EIF3L: variants seen among roughly 807,000 people sequenced by gnomAD.
EIF3L encodes eukaryotic translation initiation factor 3 subunit L.
In EIF3L, 32 loss-of-function variants were observed where a neutral mutation model predicts 74.6. The observed-to-expected ratio is 0.43, with a 90% CI of 0.32 to 0.58. EIF3L has a LOEUF of 0.58. Ranked by LOEUF, EIF3L falls within the 20% of genes least tolerant of loss-of-function variation. The probability of loss-of-function intolerance (pLI) is 0.06; values close to 1 mark genes in which losing one functional copy is unlikely to be tolerated. For missense variants in EIF3L, 474 were observed against 707.8 expected (o/e 0.67, Z 3.75); for synonymous variants, 256 against 254.4 (o/e 1.01, Z -0.06).
intron 8 of EIF3L, 137 bp from the exon 9 acceptor site, chr22:37,874,233 T>C: frequency 1.2e-6 from 1 of 849,412 alleles, no homozygotes; most frequent in Non-Finnish European, 1.8e-6. Context: ...GGTATTCCTT[T>C]GAAGTTATTC....
intron 4 of EIF3L, among the ~76,000 whole-genome samples, chr22:37,857,915 A>G (rs2145804650): frequency 6.6e-6 from 1 of 152,214 alleles, no homozygotes; most frequent in South Asian, 2.1e-4. Context: ...CACGGCTGTA[A>G]TTCTGGTACT....
rs1433239160 is a variant in EIF3L at position 37,857,986 on chromosome 22, A to T, written c.374-693A>T. Among the ~76,000 whole-genome samples, 3 of 152,010 alleles carry T rather than the reference A, an allele frequency of 2.0e-5. No individual in the cohort carries two copies. In the East Asian group the frequency reaches 5.8e-4, roughly 29 times the overall value. On this transcript the variant is annotated intron_variant, in intron 4 of 12. Coordinates refer to ENST00000652021, the MANE Select transcript of EIF3L (RefSeq NM_016091.4). ...GGAGATTTAGACTAGCCTGAGCAAC[A>T]TAGGGAGACCCCCTTCTCTACAAAA...
chr22:37,849,675 A>G (rs1925057344), intron 1 of EIF3L, 193 bp downstream of exon 1: 3 of 645,648 alleles, frequency 4.6e-6, no homozygotes, highest in Non-Finnish European at 8.0e-6. Context: ...CGCGTGTTCG[A>G]TTGGCTTGTC....
chr22:37,888,697 C>T lies in EIF3L; in HGVS notation c.*233C>T, dbSNP rs1266703497. 1 of 558,114 alleles carries T rather than the reference C, an allele frequency of 1.8e-6. No homozygotes were observed. Among genetic ancestry groups the T allele is most frequent in the Non-Finnish European group, 3.2e-6 (1 of 313,552 alleles). The allele number at this position is 558,114 out of a possible 1,614,324, so 34.6% of individuals were successfully genotyped here. ...GGCAGTAATACATTTCCCATGTGTC[C>T]TGATGCTTTCAGGATACATCAGTTG... On this transcript the variant is annotated 3_prime_UTR_variant, in exon 13 of 13. Coordinates refer to ENST00000652021, the MANE Select transcript of EIF3L (RefSeq NM_016091.4).
intron 5 of EIF3L, among the ~76,000 whole-genome samples, chr22:37,862,250 T>A (rs1422593616): frequency 6.6e-6 from 1 of 151,268 alleles, no homozygotes; most frequent in Non-Finnish European, 1.5e-5. Flanking sequence ...TCCAAAGTTG[T>A]GTTTCTTCTC....
chr22:37,887,774 C>T (rs1927398855), intron 12 of EIF3L: 2 of 152,314 alleles, frequency 1.3e-5, no homozygotes, highest in African/African-American at 4.8e-5. Flanking sequence ...CTTGCCCATC[C>T]CTCCCCGTTT....
At chr22:37,853,014 A>G (rs1925309492) in intron 3 of EIF3L, among the ~76,000 whole-genome samples, 1 of 152,196 alleles carries the variant, frequency 6.6e-6, no homozygotes, top group African/African-American at 2.4e-5. Context: ...ACACCAAAAC[A>G]TGCTACCAAT....
intron 7 of EIF3L, among the ~76,000 whole-genome samples, chr22:37,864,451 C>T (rs1355037827): frequency 2.0e-5 from 3 of 151,862 alleles, no homozygotes; most frequent in African/African-American, 4.8e-5. Flanking sequence ...TGTTCAAGGT[C>T]GAATGAGAAC....
Position 37,888,670 on chromosome 22 carries a change from G to T in EIF3L, c.*206G>T. 3.4e-6 allele frequency: 2 copies of T among 587,634 alleles called. No homozygotes were observed. The highest frequency in any genetic ancestry group is 6.1e-6 in the Non-Finnish European group (2 of 330,144). 36.4% of individuals were successfully genotyped at this position (587,634 alleles called of 1,614,324 possible). ...TATTGTAGGAGAGAATTTGTGGGTT[G>T]TGGCAGTAATACATTTCCCATGTGT... On this transcript the variant is annotated 3_prime_UTR_variant, in exon 13 of 13. Coordinates refer to ENST00000652021, the MANE Select transcript of EIF3L (RefSeq NM_016091.4).
intron 5 of EIF3L, among the ~76,000 whole-genome samples, chr22:37,862,618 ATCTTC>A (rs1925917827): frequency 6.6e-6 from 1 of 152,196 alleles, no homozygotes; most frequent in African/African-American, 2.4e-5. Flanking sequence ...GTGCAGCATT[ATCTTC>A]TCTTAACTCC....
intron 10 of EIF3L, chr22:37,876,250 C>A (rs1926744175): frequency 2.4e-6 from 1 of 411,336 alleles, no homozygotes; most frequent in African/African-American, 2.1e-5. Context: ...CTACCTTAGT[C>A]TTCCGAATAG....
intron 5 of EIF3L, 38 bp downstream of exon 5, chr22:37,858,778 GT>G (rs1925682924): frequency 6.4e-7 from 1 of 1,559,830 alleles, no homozygotes; most frequent in African/African-American, 1.4e-5. Context: ...TTTTGTTTTT[GT>G]TTTTTTAACT....
At chr22:37,863,713 C>T (rs1444799708) in intron 7 of EIF3L, among the ~76,000 whole-genome samples, 1 of 152,090 alleles carries the variant, frequency 6.6e-6, no homozygotes, top group Non-Finnish European at 1.5e-5. Flanking sequence ...TATTTAAACT[C>T]AGAGCCTCAC....
At chr22:37,856,988 C>T (rs1404158324) in intron 4 of EIF3L, among the ~76,000 whole-genome samples, 1 of 151,058 alleles carries the variant, frequency 6.6e-6, no homozygotes, top group Non-Finnish European at 1.5e-5. Flanking sequence ...TCAATTTCTG[C>T]AAAGTAGCCA....
intron 7 of EIF3L, among the ~76,000 whole-genome samples, chr22:37,866,521 G>A (rs748524241): frequency 1.3e-5 from 2 of 152,056 alleles, no homozygotes; most frequent in South Asian, 2.1e-4. Context: ...CCACCAGCTC[G>A]CGCCTGTTAA....
chr22:37,867,966 A>G (rs1433278697), intron 7 of EIF3L, among the ~76,000 whole-genome samples: 2 of 151,460 alleles, frequency 1.3e-5, no homozygotes, highest in East Asian at 1.9e-4. Flanking sequence ...AAAAAAAAAA[A>G]AAAAGAAAAA....
chr22:37,854,304 TTTGGTAAC>T (rs1435978287), intron 3 of EIF3L, among the ~76,000 whole-genome samples: 2 of 152,124 alleles, frequency 1.3e-5, no homozygotes, highest in Non-Finnish European at 2.9e-5. Flanking sequence ...GCCAGTTGAA[TTTGGTAAC>T]TTGGAGGGCC....
intron 8 of EIF3L, among the ~76,000 whole-genome samples, chr22:37,870,585 A>T (rs893146376): frequency 2.6e-5 from 4 of 152,186 alleles, no homozygotes; most frequent in Non-Finnish European, 5.9e-5. Flanking sequence ...TGCGTTTGTA[A>T]ACACTTCTGT....
chr22:37,873,453 A>G (rs1372642456), intron 8 of EIF3L, among the ~76,000 whole-genome samples: 2 of 151,116 alleles, frequency 1.3e-5, no homozygotes, highest in Non-Finnish European at 2.9e-5. Context: ...GCCCACCACC[A>G]TGCCCGGCTA....
Sources: gnomAD v4.1 joint callset for allele counts (sites outside exome capture counted in the v4.1 genomes callset) on GRCh38, gnomAD v4.1.1 for gene constraint, MANE v1.5 for transcripts, NCBI Gene and HGNC (gene_info 2026-07-23, HGNC 2026-07-21) for gene names.